The following FER variants were observed in gnomAD, a reference collection of about 807,000 sequenced individuals.
The protein encoded by FER is FER tyrosine kinase.
FER carries 63 observed loss-of-function variants against 111.0 expected under a neutral mutation model. The ratio of observed to expected loss-of-function variants is 0.57; its 90% CI spans 0.46 to 0.70. FER has a LOEUF of 0.70. Ranked by LOEUF, FER falls within the 30% of genes least tolerant of loss-of-function variation. FER has a pLI of 0.00. For synonymous variants in FER, 327 were observed against 313.9 expected (o/e 1.04, Z -0.44); for missense variants, 914 against 954.0 (o/e 0.96, Z 0.55).
At chr5:109,162,414 A>T (rs1190145347) in intron 17 of FER, among the ~76,000 whole-genome samples, 1 of 152,240 alleles carries the variant, frequency 6.6e-6, no homozygotes, top group Non-Finnish European at 1.5e-5. Context: ...TGTTACCAAA[A>T]ATAAAGGCCA....
At chr5:109,153,792 G>A (rs1239796066) in intron 17 of FER, among the ~76,000 whole-genome samples, 2 of 151,740 alleles carry the variant, frequency 1.3e-5, no homozygotes, top group Non-Finnish European at 3.0e-5. Context: ...TTGAACCCAG[G>A]CTCTAGAGTC....
chr5:108,846,690 C>T (rs1389450639), intron 5 of FER, among the ~76,000 whole-genome samples: 2 of 152,140 alleles, frequency 1.3e-5, no homozygotes, highest in African/African-American at 4.8e-5. Context: ...TCACGCCATT[C>T]TCCTGTCTCA....
chr5:108,839,495 T>G (rs1198185738), intron 5 of FER, among the ~76,000 whole-genome samples: 2 of 152,068 alleles, frequency 1.3e-5, no homozygotes, highest in Non-Finnish European at 2.9e-5. Flanking sequence ...CCAATGGGTT[T>G]TTAAAAAGAA....
intron 16 of FER, among the ~76,000 whole-genome samples, chr5:109,064,272 G>A (rs1474421893): frequency 6.6e-6 from 1 of 152,064 alleles, no homozygotes; most frequent in Non-Finnish European, 1.5e-5. Context: ...GTGTGGTATT[G>A]ACCTTTTTTC....
intron 17 of FER, among the ~76,000 whole-genome samples, chr5:109,147,149 T>C (rs1337212307): frequency 6.6e-6 from 1 of 151,616 alleles, no homozygotes; most frequent in African/African-American, 2.4e-5. Context: ...GAAAACAAAT[T>C]GAACTTATTA....
intron 17 of FER, among the ~76,000 whole-genome samples, chr5:109,136,895 T>A (rs896749944): frequency 1.2e-4 from 19 of 152,212 alleles, no homozygotes; most frequent in Non-Finnish European, 1.3e-4. Flanking sequence ...CTGTGATAAT[T>A]ACTCAGGTAA....
chr5:108,945,917 C>T (rs555641322), intron 10 of FER, among the ~76,000 whole-genome samples: 3 of 151,910 alleles, frequency 2.0e-5, no homozygotes, highest in Middle Eastern at 3.4e-3. Context: ...ATTGTTTCCC[C>T]CAAATCAAAA....
intron 17 of FER, among the ~76,000 whole-genome samples, chr5:109,161,012 G>C (rs751995785): frequency 6.6e-6 from 1 of 151,962 alleles, no homozygotes; most frequent in Non-Finnish European, 1.5e-5. Context: ...GTCTCTCCAA[G>C]GTGCACTAAA....
At chr5:109,119,395 C>A (rs959685126) in intron 17 of FER, among the ~76,000 whole-genome samples, 9 of 152,148 alleles carry the variant, frequency 5.9e-5, no homozygotes, top group South Asian at 4.1e-4. Context: ...AATTTCTGTT[C>A]TTTTACATTT....
chr5:108,830,448 C>T (rs1580763095), intron 3 of FER, among the ~76,000 whole-genome samples: 1 of 152,122 alleles, frequency 6.6e-6, no homozygotes, highest in East Asian at 1.9e-4. Flanking sequence ...AGCAAGACTC[C>T]ATCTCAACAC....
At chr5:109,062,725 A>G (rs777706406) in intron 16 of FER, among the ~76,000 whole-genome samples, 3 of 152,086 alleles carry the variant, frequency 2.0e-5, no homozygotes, top group Non-Finnish European at 4.4e-5. Context: ...TTAATTTTAG[A>G]AAGCCTGAAA....
chr5:109,049,974 T>G (rs1772545645), intron 16 of FER, among the ~76,000 whole-genome samples: 1 of 152,224 alleles, frequency 6.6e-6, no homozygotes, highest in African/African-American at 2.4e-5. Flanking sequence ...GAATACAAGT[T>G]CTGAATTACT....
intron 13 of FER, among the ~76,000 whole-genome samples, chr5:108,990,735 T>TA (rs1330710166): frequency 6.6e-6 from 1 of 151,326 alleles, no homozygotes; most frequent in Non-Finnish European, 1.5e-5. Context: ...AAATGAAGAG[T>TA]AATTATTCAG....
intron 14 of FER, among the ~76,000 whole-genome samples, chr5:109,042,983 T>C (rs1248272486): frequency 6.6e-6 from 1 of 152,152 alleles, no homozygotes; most frequent in Non-Finnish European, 1.5e-5. Flanking sequence ...TTGGCAGTGC[T>C]GTTGTAGGTG....
intron 16 of FER, among the ~76,000 whole-genome samples, chr5:109,055,532 A>T (rs1773504323): frequency 6.6e-6 from 1 of 152,122 alleles, no homozygotes; most frequent in African/African-American, 2.4e-5. Context: ...CATTCCTGTA[A>T]TCCCAGCACT....
chr5:109,070,588 G>C (rs1775655136), intron 16 of FER, among the ~76,000 whole-genome samples: 1 of 151,656 alleles, frequency 6.6e-6, no homozygotes, highest in Non-Finnish European at 1.5e-5. Flanking sequence ...GCATTGAGAG[G>C]TTAAGTGAAT....
rs376808187 is a variant in FER, at chr5:108,993,931, A to G, written c.1656+34584A>G. 2.2e-4 allele frequency among the ~76,000 whole-genome samples: 33 copies of G among 152,116 alleles called. No individual in the cohort carries two copies. The South Asian group carries it at 6.4e-3, about 30-fold the overall frequency. On this transcript the variant is annotated intron_variant, in intron 13 of 19. Transcript: ENST00000281092. The stretch of plus-strand genomic sequence containing the variant: ...TTAGCCCCTTAAATGTCTTCTTTTC[A>G]GAAGTGTCTGTTCATGCCCTTTGCC...
chr5:108,889,766 C>A (rs149592874), intron 9 of FER, among the ~76,000 whole-genome samples: 16 of 151,976 alleles, frequency 1.1e-4, no homozygotes, highest in Admixed American at 5.9e-4. Context: ...ATCAAAATAT[C>A]TCATGTACTT....
intron 5 of FER, among the ~76,000 whole-genome samples, chr5:108,847,929 G>T (rs1340941459): frequency 6.6e-6 from 1 of 151,936 alleles, no homozygotes; most frequent in Non-Finnish European, 1.5e-5. Context: ...CTGTTGCTCA[G>T]GTTGGAGTGC....
Sources: gnomAD v4.1 joint callset for allele counts (sites outside exome capture counted in the v4.1 genomes callset) on GRCh38, gnomAD v4.1.1 for gene constraint, MANE v1.5 for transcripts, NCBI Gene and HGNC (gene_info 2026-07-23, HGNC 2026-07-21) for gene names.